The following RGS6 variants were observed in gnomAD, a reference collection of about 807,000 sequenced individuals.
RGS6 encodes regulator of G protein signaling 6.
RGS6 carries 30 observed loss-of-function variants against 78.5 expected under a neutral mutation model. That is an observed-to-expected ratio of 0.38 (90% CI 0.29 to 0.52). The LOEUF (loss-of-function observed/expected upper bound fraction) is 0.52. Among genes scored for constraint, RGS6 ranks in the 20% least tolerant of loss-of-function variants. RGS6 has a pLI of 0.85. For missense variants in RGS6, 495 were observed against 609.7 expected, an observed-to-expected ratio of 0.81 and a Z score of 1.98; for synonymous variants, 206 against 206.0, an observed-to-expected ratio of 1.00 and a Z score of 0.00.
intron 2 of RGS6, among the ~76,000 whole-genome samples, chr14:72,328,155 G>C (rs926496724): frequency 6.6e-6 from 1 of 152,144 alleles, no homozygotes; most frequent in Non-Finnish European, 1.5e-5. Flanking sequence ...TGTTCTATCT[G>C]AACCCTCAAT....
At chr14:72,261,261 C>T (rs996982442) in intron 2 of RGS6, among the ~76,000 whole-genome samples, 3 of 152,152 alleles carry the variant, frequency 2.0e-5, no homozygotes, top group African/African-American at 7.2e-5. Flanking sequence ...CGTTTCCTCA[C>T]CACTGATGTC....
the RGS6 span, among the ~76,000 whole-genome samples, chr14:72,622,415 A>C: frequency 1.3e-5 from 2 of 152,184 alleles, no homozygotes; most frequent in Non-Finnish European, 2.9e-5. Flanking sequence ...GCTACAGGAC[A>C]ATTTGATTTA....
At chr14:72,551,354 T>C (rs1808207460) in intron 17 of RGS6, among the ~76,000 whole-genome samples, 1 of 152,186 alleles carries the variant, frequency 6.6e-6, no homozygotes, top group African/African-American at 2.4e-5. Context: ...CCTGATTGGC[T>C]GCTCGTGGCT....
rs183510118 is a variant in RGS6, at chr14:72,067,873, A to G, written c.84+102998A>G. On this transcript the variant is annotated intron_variant, in intron 2 of 17. Coordinates refer to ENST00000553525, the MANE Select transcript of RGS6 (RefSeq NM_001204424.2). The stretch of plus-strand genomic sequence containing the variant: ...GATGGTCTAGAGGCCAGCACCATCC[A>G]CATCCCTTGGGAGCTGGCTAGACAT... 3.8e-3 allele frequency among the ~76,000 whole-genome samples: 571 copies of G among 152,200 alleles called. 1 individual carries two copies. Among genetic ancestry groups the G allele is most frequent in the African/African-American group, 0.013 (558 of 41,550 alleles).
At chr14:71,976,213 CT>C (rs968960283) in intron 2 of RGS6, among the ~76,000 whole-genome samples, 4 of 143,650 alleles carry the variant, frequency 2.8e-5, no homozygotes, top group African/African-American at 7.7e-5. Context: ...CCTTTTCTTT[CT>C]TTTTTTTCTT....
At chr14:72,604,349 C>T in the RGS6 span, among the ~76,000 whole-genome samples, 1 of 152,190 alleles carries the variant, frequency 6.6e-6, no homozygotes, top group South Asian at 2.1e-4. Context: ...TCACTGCTGT[C>T]AAAGTCTTAT....
At chr14:71,898,501 CTTTT>C in the RGS6 span, among the ~76,000 whole-genome samples, 1 of 152,020 alleles carries the variant, frequency 6.6e-6, no homozygotes, top group South Asian at 2.1e-4. Context: ...TGTAGGTACA[CTTTT>C]TTTTATTATT....
intron 3 of RGS6, among the ~76,000 whole-genome samples, chr14:72,403,046 C>G (rs2092609265): frequency 6.6e-6 from 1 of 151,866 alleles, no homozygotes. Context: ...CCACTTTGGC[C>G]TCCCAAAGTG....
chr14:72,295,215 CG>C (rs1436149454), intron 2 of RGS6, among the ~76,000 whole-genome samples: 1 of 149,274 alleles, frequency 6.7e-6, no homozygotes, highest in Non-Finnish European at 1.5e-5. Context: ...GGCGTGAACC[CG>C]GGAGGCGGAG....
At chr14:71,963,697 T>C (rs1384876383) in intron 1 of RGS6, among the ~76,000 whole-genome samples, 1 of 152,238 alleles carries the variant, frequency 6.6e-6, no homozygotes, top group Non-Finnish European at 1.5e-5. Context: ...GTCAGTACTT[T>C]ATTTCTTTTT....
chr14:71,874,345 A>G, the RGS6 span, among the ~76,000 whole-genome samples: 13 of 151,976 alleles, frequency 8.6e-5, no homozygotes, highest in Non-Finnish European at 1.9e-4. Flanking sequence ...TTCTCCTTGA[A>G]GAGGTCCTTC....
intron 3 of RGS6, among the ~76,000 whole-genome samples, chr14:72,411,215 T>C (rs1443629265): frequency 6.6e-6 from 1 of 152,230 alleles, no homozygotes; most frequent in Non-Finnish European, 1.5e-5. Flanking sequence ...TGGAATGTTC[T>C]TGCATTTGTT....
chr14:72,385,866 T>G (rs942367476), intron 3 of RGS6, among the ~76,000 whole-genome samples: 2 of 152,184 alleles, frequency 1.3e-5, no homozygotes, highest in Non-Finnish European at 2.9e-5. Context: ...CCAAATCTAG[T>G]TGCAATCTGG....
At chr14:72,443,329 A>G (rs1208736699) in intron 3 of RGS6, among the ~76,000 whole-genome samples, 1 of 152,214 alleles carries the variant, frequency 6.6e-6, no homozygotes, top group Admixed American at 6.5e-5. Context: ...AAGAACTTGT[A>G]TGTCCCAGAC....
intron 2 of RGS6, among the ~76,000 whole-genome samples, chr14:72,093,880 T>C (rs1302956746): frequency 6.6e-6 from 1 of 152,192 alleles, no homozygotes; most frequent in Non-Finnish European, 1.5e-5. Context: ...TGATTGACTA[T>C]GTAAAAACTG....
rs1165540656 is a variant in RGS6 at position 72,562,707 on chromosome 14, T to C, written c.*240T>C. 8.5e-6 allele frequency: 13 copies of C among 1,536,098 alleles called. No individual in the cohort carries two copies. The highest frequency in any genetic ancestry group is 1.1e-5 in the Non-Finnish European group (13 of 1,146,892). On this transcript the variant is annotated 3_prime_UTR_variant, in exon 18 of 18. Transcript: ENST00000553525. ...GCTCCTGTTTACAGCCCTCTCTTCT[T>C]TGTACAGTTGTATTCCAACACTCCA...
At chr14:72,536,467 A>G (rs990791048) in intron 16 of RGS6, among the ~76,000 whole-genome samples, 192 bp downstream of exon 16, 2 of 152,182 alleles carry the variant, frequency 1.3e-5, no homozygotes, top group African/African-American at 2.4e-5. Context: ...TGCAAGGTCC[A>G]GGATGGGGCA....
At chr14:71,934,567 CATT>C (rs1470083299) in intron 1 of RGS6, among the ~76,000 whole-genome samples, 4 of 152,144 alleles carry the variant, frequency 2.6e-5, no homozygotes, top group Non-Finnish European at 4.4e-5. Flanking sequence ...TCAAGTGAAA[CATT>C]ATGACAATGC....
intron 3 of RGS6, among the ~76,000 whole-genome samples, chr14:72,352,462 G>A (rs543402349): frequency 4.1e-4 from 63 of 152,256 alleles, no homozygotes; most frequent in South Asian, 1.0e-3. Flanking sequence ...ATAAAGTGGC[G>A]CATCAGCAAC....
Sources: allele counts gnomAD v4.1 joint callset (sites outside exome capture counted in the v4.1 genomes callset), GRCh38; gene constraint gnomAD v4.1.1; transcripts MANE v1.5; gene names NCBI Gene and HGNC (gene_info 2026-07-23, HGNC 2026-07-21).